The following TXLNB variants were observed in gnomAD, a reference collection of about 807,000 sequenced individuals.
The protein encoded by TXLNB is beta-taxilin.
TXLNB carries 37 observed loss-of-function variants against 57.4 expected under a neutral mutation model. The observed-to-expected ratio is 0.64, with a 90% confidence interval of 0.50 to 0.85. The LOEUF is 0.85. Among genes scored for constraint, TXLNB ranks in the 40% least tolerant of loss-of-function variants. The pLI, the probability that TXLNB is intolerant of heterozygous loss-of-function variation, is 0.00. For missense variants in TXLNB, 848 were observed against 825.6 expected, an observed-to-expected ratio of 1.03 and a Z score of -0.33; for synonymous variants, 302 against 309.6, an observed-to-expected ratio of 0.98 and a Z score of 0.26.
the TXLNB span, among the ~76,000 whole-genome samples, chr6:139,214,548 A>G: frequency 1.3e-5 from 2 of 152,094 alleles, no homozygotes; most frequent in African/African-American, 4.8e-5. Flanking sequence ...AACTGGAAGC[A>G]CTCCCTTTGA....
the TXLNB span, among the ~76,000 whole-genome samples, chr6:139,298,531 T>C: frequency 6.6e-6 from 1 of 152,168 alleles, no homozygotes; most frequent in Non-Finnish European, 1.5e-5. Context: ...CATTGCTGGA[T>C]GTAGTAGAGA....
chr6:139,297,974 A>G, the TXLNB span, among the ~76,000 whole-genome samples: 1 of 152,136 alleles, frequency 6.6e-6, no homozygotes, highest in Non-Finnish European at 1.5e-5. Flanking sequence ...AATGGAGGGA[A>G]ATGTGGGCTT....
chr6:139,296,590 G>A (rs534861859), upstream of TXLNB, among the ~76,000 whole-genome samples: 3 of 151,624 alleles, frequency 2.0e-5, no homozygotes, highest in Non-Finnish European at 4.4e-5. Context: ...TCTCTTTTTC[G>A]TCATTGTTGC....
intron 7 of TXLNB, chr6:139,255,347 T>C (rs746992977): frequency 1.7e-6 from 1 of 588,944 alleles, no homozygotes; most frequent in Non-Finnish European, 3.2e-6. Flanking sequence ...TTTGACTGGA[T>C]GTTGCCGGCG....
downstream of TXLNB, among the ~76,000 whole-genome samples, chr6:139,235,076 T>C (rs529451089): frequency 6.6e-6 from 1 of 152,344 alleles, no homozygotes; most frequent in South Asian, 2.1e-4. Context: ...GTAGCCCCTT[T>C]GTTATGGCCA....
the TXLNB span, among the ~76,000 whole-genome samples, chr6:139,201,089 C>A: frequency 5.3e-5 from 8 of 152,334 alleles, no homozygotes; most frequent in South Asian, 1.7e-3. Flanking sequence ...AGGAGATAAC[C>A]TTGCCTTTTA....
chr6:139,176,908 G>T, the TXLNB span: 1 of 852,562 alleles, frequency 1.2e-6, no homozygotes, highest in African/African-American at 1.6e-5. This position sits in a 1 kb window ranked among gnomAD's most constrained non-coding sequence, Gnocchi z 4.5. Context: ...GAAGTGGAGG[G>T]GTGTTGTGGC....
chr6:139,187,099 T>C, the TXLNB span, among the ~76,000 whole-genome samples: 1 of 152,204 alleles, frequency 6.6e-6, no homozygotes, highest in East Asian at 1.9e-4. Flanking sequence ...TTTAAATATG[T>C]TTAGTTTATT....
At chr6:139,307,898 G>C in the TXLNB span, among the ~76,000 whole-genome samples, 2 of 152,146 alleles carry the variant, frequency 1.3e-5, no homozygotes, top group Non-Finnish European at 2.9e-5. Context: ...ACACAAATTT[G>C]CTCCTGATTA....
rs1383278727 is a variant in TXLNB at position 139,263,109 on chromosome 6, GA to G, written c.688-337del. On this transcript the variant is annotated intron_variant, in intron 4 of 9. Coordinates refer to ENST00000358430, the MANE Select transcript of TXLNB (RefSeq NM_153235.4). ...GATTTTGATCTCTTGGCTGTGGCCT[GA>G]AAAAAAGGCCACTTGAGTTTACTGA... 2.6e-5 allele frequency among the ~76,000 whole-genome samples: 4 copies of G among 152,090 alleles called. No homozygotes were observed. The East Asian group carries it at 7.7e-4, about 29-fold the overall frequency.
intron 3 of TXLNB, among the ~76,000 whole-genome samples, chr6:139,272,443 C>T (rs1776788145): frequency 6.6e-6 from 1 of 152,172 alleles, no homozygotes; most frequent in African/African-American, 2.4e-5. Flanking sequence ...GCATTTTAAA[C>T]CCTTGCCAGA....
At chr6:139,232,532 C>T in the TXLNB span, among the ~76,000 whole-genome samples, 1 of 152,154 alleles carries the variant, frequency 6.6e-6, no homozygotes, top group African/African-American at 2.4e-5. Context: ...TTGAAATTTT[C>T]TTTGTATATG....
the TXLNB span, among the ~76,000 whole-genome samples, chr6:139,168,806 A>T: frequency 6.6e-6 from 1 of 152,176 alleles, no homozygotes; most frequent in Non-Finnish European, 1.5e-5. Context: ...GAATATCCTG[A>T]TTTAATCTTC....
chr6:139,320,798 A>C, the TXLNB span, among the ~76,000 whole-genome samples: 2 of 152,166 alleles, frequency 1.3e-5, no homozygotes, highest in African/African-American at 4.8e-5. Flanking sequence ...TTCAGAGTCT[A>C]TATCTCTCCC....
intron 4 of TXLNB, among the ~76,000 whole-genome samples, chr6:139,267,210 T>G (rs1776637919): frequency 6.6e-6 from 1 of 152,146 alleles, no homozygotes; most frequent in Non-Finnish European, 1.5e-5. Flanking sequence ...GGTAAACATC[T>G]GGGTAGATAA....
At chr6:139,255,912 G>GAA (rs139954875) in intron 6 of TXLNB, among the ~76,000 whole-genome samples, 4 of 133,094 alleles carry the variant, frequency 3.0e-5, no homozygotes, top group Admixed American at 7.6e-5. Context: ...CCTTGTCACT[G>GAA]AAAAAAAAAA....
chr6:139,239,881 C>T (rs1775887307), downstream of TXLNB, among the ~76,000 whole-genome samples: 1 of 152,106 alleles, frequency 6.6e-6, no homozygotes, highest in Non-Finnish European at 1.5e-5. The surrounding 1 kb of genome is among the most constrained non-coding windows in gnomAD (Gnocchi z 4.7). Flanking sequence ...TACACACACA[C>T]ACACCCCCGC....
chr6:139,228,537 A>G, the TXLNB span, among the ~76,000 whole-genome samples: 1 of 151,744 alleles, frequency 6.6e-6, no homozygotes, highest in East Asian at 1.9e-4. Context: ...AAAAAAAAAA[A>G]AAAAAAAAAG....
chr6:139,304,753 G>A, the TXLNB span, among the ~76,000 whole-genome samples: 1 of 152,200 alleles, frequency 6.6e-6, no homozygotes, highest in African/African-American at 2.4e-5. Flanking sequence ...TGAAAAAGAA[G>A]TGAAGTCCAA....
Sources: allele counts gnomAD v4.1 joint callset (sites outside exome capture counted in the v4.1 genomes callset), GRCh38; gene constraint gnomAD v4.1.1; non-coding constraint Gnocchi (gnomAD v3.1); transcripts MANE v1.5; gene names NCBI Gene and HGNC (gene_info 2026-07-23, HGNC 2026-07-21).